The following FARP1 variants were observed in gnomAD, a reference collection of about 807,000 sequenced individuals.
The protein encoded by FARP1 is FERM, ARH/RhoGEF and pleckstrin domain protein 1, also known as FERM, ARHGEF and pleckstrin domain-containing protein 1.
A neutral mutation model predicts 128.8 loss-of-function variants in FARP1; 52 were observed. The observed-to-expected ratio is 0.40, with a 90% CI of 0.32 to 0.51. The LOEUF (loss-of-function observed/expected upper bound fraction) is 0.51, where lower values mean the gene tolerates loss of function less well. Ranked by LOEUF, FARP1 falls within the 20% of genes least tolerant of loss-of-function variation. The probability of loss-of-function intolerance (pLI) is 0.45; values close to 1 mark genes in which losing one functional copy is unlikely to be tolerated. For missense variants in FARP1, 1,333 were observed against 1,367.9 expected, an observed-to-expected ratio of 0.97 and a Z score of 0.40; for synonymous variants, 580 against 551.8, an observed-to-expected ratio of 1.05 and a Z score of -0.72.
At chr13:98,151,658 A>ATTTTTTTT (rs1197060435) in intron 1 of FARP1, among the ~76,000 whole-genome samples, 1 of 24,176 alleles carries the variant, frequency 4.1e-5, no homozygotes, top group Non-Finnish European at 1.7e-4. Flanking sequence ...TATATCTTCC[A>ATTTTTTTT]TCTTTTTTTT....
At chr13:98,194,368 C>T (rs6491402) in intron 1 of FARP1, among the ~76,000 whole-genome samples, 96,430 of 152,114 alleles carry the variant, frequency 0.63, 32,782 homozygotes, top group Non-Finnish European at 0.76. Context: ...CCACCCGCCT[C>T]GGCCTCCCAA....
At chr13:98,263,627 CT>C (rs1487737026) in intron 2 of FARP1, among the ~76,000 whole-genome samples, 1 of 152,190 alleles carries the variant, frequency 6.6e-6, no homozygotes, top group Non-Finnish European at 1.5e-5. Flanking sequence ...TTAGCAATTG[CT>C]CTTTGAAGCA....
chr13:98,235,514 C>A (rs141920056), intron 2 of FARP1, among the ~76,000 whole-genome samples: 2 of 152,086 alleles, frequency 1.3e-5, no homozygotes, highest in Non-Finnish European at 2.9e-5. Flanking sequence ...CTCTCCACAG[C>A]GGAGTGATGC....
At chr13:98,423,990 C>T (rs1180421421) in intron 16 of FARP1, among the ~76,000 whole-genome samples, 2 of 152,214 alleles carry the variant, frequency 1.3e-5, no homozygotes, top group Admixed American at 6.5e-5. Flanking sequence ...GCCACACACC[C>T]TACCCTATTC....
Position 98,389,942 on chromosome 13 carries a change from A to G in FARP1, c.856-15A>G, listed in dbSNP as rs1236033926. On this transcript the variant is annotated splice_polypyrimidine_tract_variant and intron_variant, in intron 9 of 26. Coordinates refer to ENST00000319562, the MANE Select transcript of FARP1 (RefSeq NM_005766.4). Reference sequence around the variant, plus strand: ...GGGTAATGGAAAAAACCACCGTTGTATTTTCCCTTTTTAGAGTGCGTACCA... The same window carrying G: ...GGGTAATGGAAAAAACCACCGTTGTGTTTTCCCTTTTTAGAGTGCGTACCA... The G allele has an allele frequency of 6.2e-7, 1 of 1,613,090 alleles. No individual in the cohort carries two copies. Among genetic ancestry groups the G allele is most frequent in the East Asian group, 2.2e-5 (1 of 44,876 alleles).
At chr13:98,315,719 A>G (rs1886691747) in intron 2 of FARP1, among the ~76,000 whole-genome samples, 4 of 152,188 alleles carry the variant, frequency 2.6e-5, no homozygotes, top group Admixed American at 1.3e-4. Flanking sequence ...CAAAAGATGC[A>G]GAGGAGACTG....
At position 98,449,024 on chromosome 13, in the gene FARP1, C is replaced by T. The variant is rs1893049797; in HGVS notation, c.*707C>T. The stretch of plus-strand genomic sequence containing the variant: ...AGGGTTGTTTTCTGTTAAGCAAAGC[C>T]GAGATCCAGTGCAATACCTGGACTG... On this transcript the variant is annotated 3_prime_UTR_variant, in exon 27 of 27. Transcript: ENST00000319562. 6.6e-6 allele frequency: 1 copy of T among 152,174 alleles called. No homozygotes were observed. The highest frequency in any genetic ancestry group is 2.1e-4 in the South Asian group (1 of 4,832). The allele number at this position is 152,174 out of a possible 1,614,324, so 9.4% of individuals were successfully genotyped here. A position where few individuals can be genotyped will look rare whatever the true frequency, so the allele number is the denominator to read the frequency against.
At chr13:98,305,883 A>G (rs764677913) in intron 2 of FARP1, among the ~76,000 whole-genome samples, 7 of 149,216 alleles carry the variant, frequency 4.7e-5, no homozygotes, top group Non-Finnish European at 7.4e-5. Flanking sequence ...TTGCACTTTC[A>G]TCTTCATTGG....
chr13:98,223,483 C>T (rs1328902327), intron 2 of FARP1, among the ~76,000 whole-genome samples: 3 of 152,170 alleles, frequency 2.0e-5, no homozygotes, highest in East Asian at 1.9e-4. Flanking sequence ...CGCCACCATG[C>T]CCGGCTAATT....
chr13:98,392,323 C>CAAAAAAAAAAAA (rs11289484), intron 11 of FARP1, among the ~76,000 whole-genome samples: 2 of 60,422 alleles, frequency 3.3e-5, no homozygotes, highest in African/African-American at 6.6e-5. Context: ...CATCTCTACC[C>CAAAAAAAAAAAA]AAAAAAAAAA....
chr13:98,174,820 A>G (rs561331772), intron 1 of FARP1, among the ~76,000 whole-genome samples: 4 of 152,196 alleles, frequency 2.6e-5, no homozygotes, highest in Non-Finnish European at 5.9e-5. Context: ...AGATACTACT[A>G]TGTATGAGGA....
In FARP1 at chr13:98,392,316, C is replaced by A. The variant is rs535944984; in HGVS notation, c.1089-1327C>A. Among the ~76,000 whole-genome samples, 100 of 104,888 alleles carry A rather than the reference C, an allele frequency of 9.5e-4. 1 individual carries two copies. The highest frequency in any genetic ancestry group is 1.9e-3 in the Admixed American group (16 of 8,604). The allele number at this position is 104,888 out of a possible 152,430, so 68.8% of individuals were successfully genotyped here. The stretch of plus-strand genomic sequence containing the variant: ...CCTGGGTAACATGACGAAAGCTCAT[C>A]TCTACCCAAAAAAAAAAAAAAAAAA... On this transcript the variant is annotated intron_variant, in intron 11 of 26. Coordinates refer to ENST00000319562, the MANE Select transcript of FARP1 (RefSeq NM_005766.4).
chr13:98,234,731 TG>T (rs1882323090), intron 2 of FARP1: 1 of 152,222 alleles, frequency 6.6e-6, no homozygotes, highest in Non-Finnish European at 1.5e-5. Context: ...GACAAGCAGC[TG>T]AAGAGGAAGC....
intron 16 of FARP1, among the ~76,000 whole-genome samples, chr13:98,420,350 C>G (rs1244247144): frequency 6.6e-6 from 1 of 152,168 alleles, no homozygotes; most frequent in Non-Finnish European, 1.5e-5. Flanking sequence ...TACTCACAGT[C>G]CACCCTTGGA....
chr13:98,323,302 G>A (rs1190052286), intron 2 of FARP1, among the ~76,000 whole-genome samples: 3 of 151,402 alleles, frequency 2.0e-5, no homozygotes, highest in Non-Finnish European at 2.9e-5. Context: ...TTAAGCAGGT[G>A]TGCCCAGGTA....
At chr13:98,172,500 A>C (rs1389730985) in intron 1 of FARP1, among the ~76,000 whole-genome samples, 1 of 151,984 alleles carries the variant, frequency 6.6e-6, no homozygotes, top group East Asian at 1.9e-4. Context: ...CTAGCATAGC[A>C]CCCTTAAAAT....
At chr13:98,438,648 C>T (rs1273533365) in intron 19 of FARP1, among the ~76,000 whole-genome samples, 156 bp from the exon 20 acceptor site, 1 of 152,288 alleles carries the variant, frequency 6.6e-6, no homozygotes, top group Middle Eastern at 3.4e-3. Flanking sequence ...GGGAGGAAGC[C>T]AGTAGGTTTG....
At chr13:98,242,506 A>C (rs1209656802) in intron 2 of FARP1, among the ~76,000 whole-genome samples, 1 of 152,026 alleles carries the variant, frequency 6.6e-6, no homozygotes, top group East Asian at 1.9e-4. Flanking sequence ...TGAGACCTCC[A>C]TCTCTACAAA....
At chr13:98,396,134 G>A (rs1260848835) in intron 13 of FARP1, 1 of 399,228 alleles carries the variant, frequency 2.5e-6, no homozygotes, top group East Asian at 3.6e-5. Context: ...GATGGGCTTG[G>A]TGGCCGTGGG....
Sources: gnomAD v4.1 joint callset for allele counts (sites outside exome capture counted in the v4.1 genomes callset) on GRCh38, gnomAD v4.1.1 for gene constraint, MANE v1.5 for transcripts, NCBI Gene and HGNC (gene_info 2026-07-23, HGNC 2026-07-21) for gene names.